The following PTPRZ1 variants were observed in gnomAD, a reference collection of about 807,000 sequenced individuals.
The protein encoded by PTPRZ1 is protein tyrosine phosphatase receptor type Z1, also known as receptor-type tyrosine-protein phosphatase zeta.
Under a neutral mutation model 214.1 loss-of-function variants are expected in PTPRZ1, and 82 were observed. The ratio of observed to expected loss-of-function variants is 0.38; its 90% CI spans 0.32 to 0.46. The LOEUF (loss-of-function observed/expected upper bound fraction) is 0.46, where lower values mean the gene tolerates loss of function less well. Ranked by LOEUF, PTPRZ1 falls within the 20% of genes least tolerant of loss-of-function variation. The pLI is 1.00. For synonymous variants in PTPRZ1, 945 were observed against 987.9 expected (o/e 0.96, Z 0.81); for missense variants, 2,603 against 2,748.7 (o/e 0.95, Z 1.19).
intron 18 of PTPRZ1, among the ~76,000 whole-genome samples, chr7:122,037,376 A>G (rs1457087179): frequency 3.9e-5 from 6 of 152,192 alleles, no homozygotes; most frequent in Admixed American, 2.6e-4. Context: ...AAAAATTTCC[A>G]TAGTAGTACT....
In PTPRZ1 at chr7:122,011,000, G is replaced by C. The variant is rs1274287754; in HGVS notation, c.1954G>C (p.Val652Leu). 6.2e-7 allele frequency: 1 copy of C among 1,614,188 alleles called. No homozygotes were observed. Residue 652 changes from valine to leucine, a missense_variant, in exon 12 of 30, where the codon GTG (valine) becomes CTG (leucine). Transcript: ENST00000393386. ...AAAGGATCCTTCTATGGAGGGAAAT[G>C]TGTGGTTTCCTAGCTCTACAGACAT... ...SLKDPSMEGNVWFPSSTDITA... is the reference protein window; with the variant it reads ...SLKDPSMEGNLWFPSSTDITA...
intron 4 of PTPRZ1, among the ~76,000 whole-genome samples, chr7:121,973,820 CCT>C (rs1022530941): frequency 9.2e-5 from 14 of 151,450 alleles, no homozygotes; most frequent in Non-Finnish European, 2.1e-4. Context: ...TGTAATTTCA[CCT>C]ACTCAGGAGG....
intron 2 of PTPRZ1, among the ~76,000 whole-genome samples, chr7:121,930,027 T>C (rs73229155): frequency 0.19 from 29,564 of 151,744 alleles, 3,055 homozygotes; most frequent in Admixed American, 0.24. Context: ...TAATTTGCTT[T>C]TTTTTTATTA....
intron 18 of PTPRZ1, among the ~76,000 whole-genome samples, chr7:122,038,200 A>G (rs558640924): frequency 4.5e-4 from 69 of 152,270 alleles, no homozygotes; most frequent in African/African-American, 1.6e-3. Flanking sequence ...ACAATTTAAG[A>G]TGAGATTTGG....
intron 24 of PTPRZ1, 126 bp downstream of exon 24, chr7:122,051,647 A>T (rs1792189365): frequency 1.1e-6 from 1 of 877,190 alleles, no homozygotes; most frequent in South Asian, 1.7e-5. Flanking sequence ...ATTTTGTCCA[A>T]TATGTAACTG....
chr7:122,003,852 A>G (rs1331069768), intron 10 of PTPRZ1, among the ~76,000 whole-genome samples: 1 of 152,190 alleles, frequency 6.6e-6, no homozygotes, highest in Non-Finnish European at 1.5e-5. Context: ...CTTTCCTGAC[A>G]TTCCCTGACA....
chr7:122,042,456 T>C lies in PTPRZ1; in HGVS notation c.5802-152T>C, dbSNP rs1480655184. On this transcript the variant is annotated intron_variant, in intron 21 of 29. Coordinates refer to ENST00000393386, the MANE Select transcript of PTPRZ1 (RefSeq NM_002851.3). ...AAAGCATTACGCTTAATTACTAAACTGTTTACAATATTGAATTGCCAAATG... is the reference window on the plus strand; with the variant it reads ...AAAGCATTACGCTTAATTACTAAACCGTTTACAATATTGAATTGCCAAATG... The C allele has an allele frequency of 9.0e-6, 6 of 667,498 alleles. No homozygotes were observed. In the South Asian group the frequency reaches 9.8e-5, roughly 11 times the overall value. 41.3% of individuals were successfully genotyped at this position (667,498 alleles called of 1,614,324 possible). A position where few individuals can be genotyped will look rare whatever the true frequency, so the allele number is the denominator to read the frequency against.
intron 6 of PTPRZ1, among the ~76,000 whole-genome samples, chr7:121,981,124 C>CAG (rs1446717826): frequency 6.8e-6 from 1 of 146,348 alleles, no homozygotes; most frequent in Non-Finnish European, 1.5e-5. Context: ...GCCTGGGCGG[C>CAG]AGCGAGACTC....
chr7:121,933,952 G>A (rs536745520), intron 2 of PTPRZ1, among the ~76,000 whole-genome samples: 1 of 152,154 alleles, frequency 6.6e-6, no homozygotes. Context: ...CAATTGAGCA[G>A]TAGAAAAGAG....
rs763735392 is a variant in PTPRZ1, at chr7:122,013,301, G to A, written c.4255G>A (p.Gly1419Ser). The A allele has an allele frequency of 1.2e-6, 2 of 1,603,804 alleles. No homozygotes were observed. The highest frequency in any genetic ancestry group is 1.7e-6 in the Non-Finnish European group (2 of 1,177,218). ...CGGTTTAGTGGGTGGTGGTGAAGAT[G>A]GTGACACTGATGATGATGGTGATGA... ...DAGLVGGGED[G>S]DTDDDGDDDD... Residue 1419 changes from glycine to serine, a missense_variant, in exon 12 of 30, where the codon GGT becomes AGT. Coordinates refer to ENST00000393386, the MANE Select transcript of PTPRZ1 (RefSeq NM_002851.3).
intron 4 of PTPRZ1, among the ~76,000 whole-genome samples, chr7:121,973,342 T>C (rs1797314253): frequency 6.6e-6 from 1 of 152,166 alleles, no homozygotes; most frequent in African/African-American, 2.4e-5. Context: ...AAAAGGCTCA[T>C]GATAAGGTAT....
intron 1 of PTPRZ1, among the ~76,000 whole-genome samples, chr7:121,911,628 ATCT>A (rs1326757643): frequency 5.9e-5 from 9 of 151,898 alleles, no homozygotes; most frequent in Admixed American, 5.3e-4. Context: ...TCCTTATCTT[ATCT>A]TCTTTCCTTT....
In PTPRZ1 at chr7:122,012,959, C is replaced by T. The variant is rs1173508625; in HGVS notation, c.3913C>T (p.Pro1305Ser). 6.2e-7 allele frequency: 1 copy of T among 1,613,840 alleles called. No homozygotes were observed. Among genetic ancestry groups the T allele is most frequent in the East Asian group, 2.2e-5 (1 of 44,884 alleles). The change falls in exon 12 of 30, where the codon CCC becomes TCC. Residue 1305 changes from proline (P) to serine (S), a missense_variant. Transcript: ENST00000393386. ...CAATTTGGAGATTAACCAGGCCCAT[C>T]CCCCAAAAGGAAGGCATGTATTTGC... The part of the protein sequence containing the change: ...TANLEINQAH[P>S]PKGRHVFATP...
chr7:122,039,291 C>T (rs1291847130), intron 19 of PTPRZ1, among the ~76,000 whole-genome samples, 163 bp from the exon 20 acceptor site: 2 of 152,154 alleles, frequency 1.3e-5, no homozygotes, highest in African/African-American at 2.4e-5. Flanking sequence ...CTATCCCTAG[C>T]CTCCTCCACA....
At chr7:121,965,044 A>G (rs926927006) in intron 2 of PTPRZ1, among the ~76,000 whole-genome samples, 6 of 152,188 alleles carry the variant, frequency 3.9e-5, no homozygotes, top group Non-Finnish European at 7.3e-5. Flanking sequence ...GCCAAGGAGT[A>G]ATGTGATCTG....
chr7:122,047,208 A>G (rs1006874088), intron 23 of PTPRZ1, among the ~76,000 whole-genome samples: 9 of 152,208 alleles, frequency 5.9e-5, no homozygotes, highest in African/African-American at 2.2e-4. Context: ...TATAGCATTG[A>G]CACCAGATTA....
At position 122,013,437 on chromosome 7, in the gene PTPRZ1, A is replaced by G; in HGVS notation, c.4391A>G (p.Asn1464Ser). 1 of 1,614,200 alleles carries G rather than the reference A, an allele frequency of 6.2e-7. No individual in the cohort carries two copies. Among genetic ancestry groups the G allele is most frequent in the Non-Finnish European group, 8.5e-7 (1 of 1,180,030 alleles). ...KVMNDSDTHE[N>S]SLMDQNNPIS... is the part of the protein sequence containing the mutation. Reference sequence around the variant, plus strand: ...ATGAATGATTCAGACACCCACGAAAACAGTCTTATGGATCAGAATAATCCA... The same window carrying G: ...ATGAATGATTCAGACACCCACGAAAGCAGTCTTATGGATCAGAATAATCCA... The change falls in exon 12 of 30, where the codon AAC (asparagine) becomes AGC (serine). Residue 1464 changes from asparagine (N) to serine (S), a missense_variant. By Grantham distance (46) the Asn-to-Ser change is conservative (BLOSUM62 1). Around this residue, in one of 6 missense-constraint regions of PTPRZ1, gnomAD observed 1,913 missense variants for 1,914.3 expected, o/e 1.00. Transcript: ENST00000393386.
At chr7:121,879,136 T>G (rs1032344035) in intron 1 of PTPRZ1, among the ~76,000 whole-genome samples, 2 of 152,198 alleles carry the variant, frequency 1.3e-5, no homozygotes, top group Admixed American at 6.5e-5. Flanking sequence ...ATTACATAGA[T>G]CCAGACACTA....
chr7:121,893,040 T>C (rs1244809471), intron 1 of PTPRZ1, among the ~76,000 whole-genome samples: 3 of 152,074 alleles, frequency 2.0e-5, no homozygotes, highest in Non-Finnish European at 4.4e-5. Flanking sequence ...CTGGCATTTT[T>C]CTACATGCAC....
Sources: allele counts gnomAD v4.1 joint callset (sites outside exome capture counted in the v4.1 genomes callset), GRCh38; gene constraint gnomAD v4.1.1; regional missense constraint gnomAD v4.1.1; transcripts MANE v1.5; gene names NCBI Gene and HGNC (gene_info 2026-07-23, HGNC 2026-07-21).